The following CREB5 variants were observed in gnomAD, a reference collection of about 807,000 sequenced individuals.
CREB5 encodes the protein cyclic AMP-responsive element-binding protein 5.
A neutral mutation model predicts 57.1 loss-of-function variants in CREB5; 19 were observed. The observed-to-expected ratio is 0.33, with a 90% CI of 0.23 to 0.49. The LOEUF (loss-of-function observed/expected upper bound fraction) is 0.49. Ranked by LOEUF, CREB5 falls within the 20% of genes least tolerant of loss-of-function variation. The pLI is 0.99. For synonymous variants in CREB5, 238 were observed against 238.3 expected, an observed-to-expected ratio of 1.00 and a Z score of 0.01; for missense variants, 579 against 671.6, an observed-to-expected ratio of 0.86 and a Z score of 1.52.
chr7:28,799,663 A>AT lies in CREB5; in HGVS notation c.703-4529dup, dbSNP rs749326797. ...GGCACAATGACCCACTCCTACATAGATTTTTTTATTTTCCTTGCCACGTTT... is the reference window on the plus strand; with the variant it reads ...GGCACAATGACCCACTCCTACATAGATTTTTTTTATTTTCCTTGCCACGTTT... On this transcript the variant is annotated intron_variant, in intron 7 of 10. Coordinates refer to ENST00000357727, the MANE Select transcript of CREB5 (RefSeq NM_182898.4). Among the ~76,000 whole-genome samples, 5 of 152,192 alleles carry AT rather than the reference A, an allele frequency of 3.3e-5. No homozygotes were observed. In the East Asian group the frequency reaches 9.6e-4, roughly 29 times the overall value.
chr7:28,535,528 T>TA (rs145341519), intron 4 of CREB5, among the ~76,000 whole-genome samples: 34,911 of 145,164 alleles, frequency 0.24, 4,876 homozygotes, highest in African/African-American at 0.35. Context: ...TTCCTTCACT[T>TA]ATGCTTGTTT....
intron 7 of CREB5, among the ~76,000 whole-genome samples, chr7:28,758,342 A>G (rs1805459045): frequency 6.6e-6 from 1 of 152,206 alleles, no homozygotes; most frequent in South Asian, 2.1e-4. Flanking sequence ...TGGCAATGCT[A>G]CCATACACTG....
chr7:28,683,278 T>C (rs1800693178), intron 5 of CREB5, among the ~76,000 whole-genome samples: 1 of 152,024 alleles, frequency 6.6e-6, no homozygotes, highest in African/African-American at 2.4e-5. Flanking sequence ...CTTTAGCTGC[T>C]CACAGGAAGG....
chr7:28,586,998 C>T (rs964894009), intron 5 of CREB5, among the ~76,000 whole-genome samples: 5 of 152,156 alleles, frequency 3.3e-5, no homozygotes, highest in African/African-American at 7.2e-5. Context: ...GTGGTCCAGC[C>T]GTTGCTTCTG....
At chr7:28,372,958 G>T (rs762331889) in intron 1 of CREB5, among the ~76,000 whole-genome samples, 5 of 152,184 alleles carry the variant, frequency 3.3e-5, no homozygotes, top group Admixed American at 6.5e-5. Flanking sequence ...GGTGCGGCGG[G>T]GATGGTGTTT....
intron 5 of CREB5, among the ~76,000 whole-genome samples, chr7:28,619,081 T>C (rs960226455): frequency 3.3e-5 from 5 of 152,240 alleles, no homozygotes; most frequent in African/African-American, 1.2e-4. Flanking sequence ...CATGGCCAAG[T>C]CCTGTTCTAA....
In CREB5 at chr7:28,359,183, CA is replaced by C. The variant is rs74757953; in HGVS notation, c.-25+59745del. Reference sequence around the variant, plus strand: ...AATCCCAAACCCAAAACGAAACAAACAAACAAAAACCCAAAAAAGCGAATAC... The same window carrying C: ...AATCCCAAACCCAAAACGAAACAAACAACAAAAACCCAAAAAAGCGAATAC... On this transcript the variant is annotated intron_variant, in intron 1 of 9. Coordinates refer to the CREB5 transcript ENST00000396299. Among the ~76,000 whole-genome samples the C allele has an allele frequency of 3.1e-3, 439 of 141,538 alleles. 9 individuals carry two copies. The East Asian group carries it at 0.056, about 18-fold the overall frequency. 92.9% of individuals were successfully genotyped at this position (141,538 alleles called of 152,430 possible). A position where few individuals can be genotyped will look rare whatever the true frequency, so the allele number is the denominator to read the frequency against.
chr7:28,809,635 G>A (rs1808982579), intron 9 of CREB5, among the ~76,000 whole-genome samples: 1 of 152,192 alleles, frequency 6.6e-6, no homozygotes, highest in Non-Finnish European at 1.5e-5. Context: ...TCTGAGAAGG[G>A]GGGACCTACC....
intron 1 of CREB5, among the ~76,000 whole-genome samples, chr7:28,318,052 T>C (rs1785414223): frequency 6.6e-6 from 1 of 152,230 alleles, no homozygotes; most frequent in South Asian, 2.1e-4. Context: ...TTCCAATAAA[T>C]TCTTATATTT....
chr7:28,547,818 C>A (rs754322866), intron 4 of CREB5, among the ~76,000 whole-genome samples: 2 of 152,190 alleles, frequency 1.3e-5, no homozygotes, highest in African/African-American at 4.8e-5. Flanking sequence ...GTTTGCCTTT[C>A]CAACTCCTTG....
intron 4 of CREB5, among the ~76,000 whole-genome samples, chr7:28,520,669 A>G (rs779921019): frequency 4.6e-5 from 7 of 152,226 alleles, no homozygotes; most frequent in Non-Finnish European, 8.8e-5. Context: ...TTTTAGAAAG[A>G]CTATCTCTGA....
chr7:28,400,019 T>C (rs1468349518), intron 1 of CREB5, among the ~76,000 whole-genome samples: 2 of 151,986 alleles, frequency 1.3e-5, no homozygotes, highest in Non-Finnish European at 2.9e-5. Context: ...GATAGTGCCA[T>C]TGCACTCCTG....
chr7:28,506,989 G>A (rs1317027797), intron 3 of CREB5, among the ~76,000 whole-genome samples: 1 of 152,098 alleles, frequency 6.6e-6, no homozygotes, highest in Non-Finnish European at 1.5e-5. Context: ...TTTGGCTATA[G>A]CAAAGGAAAA....
At chr7:28,377,170 G>A (rs1786849045) in intron 1 of CREB5, among the ~76,000 whole-genome samples, 1 of 151,996 alleles carries the variant, frequency 6.6e-6, no homozygotes, top group African/African-American at 2.4e-5. Flanking sequence ...ATAGGAATTG[G>A]CTCTCTTTTG....
intron 7 of CREB5, among the ~76,000 whole-genome samples, chr7:28,777,041 CA>C (rs1806696574): frequency 6.6e-6 from 1 of 152,134 alleles, no homozygotes; most frequent in Admixed American, 6.5e-5. Flanking sequence ...CAAATATTTT[CA>C]GTTCTTTTGG....
At chr7:28,456,454 C>G (rs1343236382) in intron 1 of CREB5, among the ~76,000 whole-genome samples, 1 of 152,150 alleles carries the variant, frequency 6.6e-6, no homozygotes. Context: ...TTCGGATGCT[C>G]TCACTCATGG....
intron 1 of CREB5, among the ~76,000 whole-genome samples, chr7:28,419,666 C>T (rs1300868741): frequency 6.6e-6 from 1 of 152,240 alleles, no homozygotes; most frequent in Non-Finnish European, 1.5e-5. Flanking sequence ...AGGGCATACA[C>T]TTGCAAATGT....
At chr7:28,585,309 G>A (rs1008952044) in intron 5 of CREB5, among the ~76,000 whole-genome samples, 14 of 152,186 alleles carry the variant, frequency 9.2e-5, no homozygotes, top group Non-Finnish European at 1.8e-4. Context: ...AACTTCCTGT[G>A]TGGACACAGA....
At chr7:28,585,860 C>T (rs1247635282) in intron 5 of CREB5, among the ~76,000 whole-genome samples, 8 of 152,152 alleles carry the variant, frequency 5.3e-5, no homozygotes, top group African/African-American at 1.9e-4. Context: ...CCTGTGCGGT[C>T]GGAACTAGGT....
Sources: allele counts gnomAD v4.1 joint callset (sites outside exome capture counted in the v4.1 genomes callset), GRCh38; gene constraint gnomAD v4.1.1; transcripts MANE v1.5; gene names NCBI Gene and HGNC (gene_info 2026-07-23, HGNC 2026-07-21).